MANSC4: variants seen among roughly 807,000 people sequenced by gnomAD.
MANSC4 encodes MANSC domain containing 4.
MANSC4 carries 11 observed loss-of-function variants against 11.4 expected under a neutral mutation model. The observed-to-expected ratio is 0.97, with a 90% CI of 0.61 to 1.60. The LOEUF (loss-of-function observed/expected upper bound fraction) is 1.60, where lower values mean the gene tolerates loss of function less well. Ranked by LOEUF, MANSC4 falls within the 40% of genes most tolerant of loss-of-function variation. The pLI is 0.00. For missense variants in MANSC4, 354 were observed against 404.6 expected (o/e 0.88, Z 1.07); for synonymous variants, 123 against 147.1 (o/e 0.84, Z 1.19).
intron 2 of MANSC4, among the ~76,000 whole-genome samples, chr12:27,770,797 G>T (rs1431148004): frequency 6.6e-6 from 1 of 152,336 alleles, no homozygotes; most frequent in South Asian, 2.1e-4. Context: ...GTGAAGAAAA[G>T]AGGATTCTGT....
At position 27,771,284 on chromosome 12, in the gene MANSC4, G is replaced by A; in HGVS notation, c.-8C>T. On this transcript the variant is annotated 5_prime_UTR_variant, in exon 2 of 4. Transcript: ENST00000381273. ...TACCTCTGCCACATGCATTTTTCCTGTATGAAGGAAGACTCGAAGATAAGT... is the reference window on the plus strand; with the variant it reads ...TACCTCTGCCACATGCATTTTTCCTATATGAAGGAAGACTCGAAGATAAGT... 1 of 1,547,704 alleles carries A rather than the reference G, an allele frequency of 6.5e-7. No homozygotes were observed. Among genetic ancestry groups the A allele is most frequent in the Non-Finnish European group, 8.7e-7 (1 of 1,145,320 alleles).
At chr12:27,766,521 A>G (rs2062072856) in intron 3 of MANSC4, 144 bp downstream of exon 3, 4 of 831,870 alleles carry the variant, frequency 4.8e-6, no homozygotes, top group Non-Finnish European at 7.3e-6. Context: ...TCTGTCCTAG[A>G]TATCCAAAAT....
At chr12:27,772,468 A>G (rs1420072032) in intron 1 of MANSC4, among the ~76,000 whole-genome samples, 1 of 152,240 alleles carries the variant, frequency 6.6e-6, no homozygotes, top group Non-Finnish European at 1.5e-5. Context: ...AATAATAGTC[A>G]ATCTAGTTAT....
intron 3 of MANSC4, 145 bp downstream of exon 3, chr12:27,766,520 G>A: frequency 1.2e-6 from 1 of 828,518 alleles, no homozygotes; most frequent in Non-Finnish European, 1.8e-6. Flanking sequence ...TTCTGTCCTA[G>A]ATATCCAAAA....
chr12:27,769,059 G>A (rs562626117), intron 2 of MANSC4, among the ~76,000 whole-genome samples: 11 of 152,222 alleles, frequency 7.2e-5, no homozygotes, highest in African/African-American at 2.7e-4. Flanking sequence ...ACTGTGAGGA[G>A]TTAATCTCCA....
intron 2 of MANSC4, among the ~76,000 whole-genome samples, chr12:27,768,863 C>G (rs769994154): frequency 6.6e-6 from 1 of 152,130 alleles, no homozygotes; most frequent in Non-Finnish European, 1.5e-5. Context: ...CTCCTAACCT[C>G]GAGTGATCTG....
chr12:27,766,000 A>G (rs2062070654), intron 3 of MANSC4, among the ~76,000 whole-genome samples: 1 of 151,800 alleles, frequency 6.6e-6, no homozygotes, highest in Non-Finnish European at 1.5e-5. Flanking sequence ...TCCTGTGTGC[A>G]GTGTCCATGG....
chr12:27,778,092 G>C (rs1239761948), intron 1 of MANSC4, among the ~76,000 whole-genome samples: 3 of 151,986 alleles, frequency 2.0e-5, no homozygotes, highest in Non-Finnish European at 4.4e-5. Flanking sequence ...GGGTGTGGTG[G>C]CTCATGCCTG....
At chr12:27,768,235 T>TAAA (rs71039844) in intron 2 of MANSC4, among the ~76,000 whole-genome samples, 13 of 147,500 alleles carry the variant, frequency 8.8e-5, no homozygotes, top group South Asian at 2.2e-4. Flanking sequence ...TCGTCTCTAC[T>TAAA]AAAAAAAAAA....
chr12:27,768,475 A>G (rs2062084469), intron 2 of MANSC4, among the ~76,000 whole-genome samples: 1 of 152,080 alleles, frequency 6.6e-6, no homozygotes, highest in South Asian at 2.1e-4. Flanking sequence ...GAGGAAGAGA[A>G]GACTTAAAAA....
chr12:27,767,572 G>A (rs745984673), intron 2 of MANSC4, among the ~76,000 whole-genome samples: 2 of 151,948 alleles, frequency 1.3e-5, no homozygotes, highest in Non-Finnish European at 2.9e-5. Context: ...GCGTGGTGGC[G>A]CATTCCTGTA....
intron 1 of MANSC4, among the ~76,000 whole-genome samples, chr12:27,772,060 CAAA>C (rs755729525): frequency 4.7e-5 from 5 of 107,144 alleles, no homozygotes; most frequent in African/African-American, 8.0e-5. Flanking sequence ...TCAAACCAAA[CAAA>C]CAAACAAACA....
intron 3 of MANSC4, among the ~76,000 whole-genome samples, chr12:27,764,043 TTTAAATCAAG>T (rs1356981542): frequency 6.6e-6 from 1 of 152,172 alleles, no homozygotes; most frequent in African/African-American, 2.4e-5. Flanking sequence ...ATATAGCATC[TTTAAATCAAG>T]TTAAGCAAAA....
Position 27,762,875 on chromosome 12 carries a change from T to C in MANSC4, c.886A>G (p.Ile296Val), listed in dbSNP as rs1221927650. ...ATGACTATACAACAGCCGAGAAAGA[T>C]GACAGAGGTGCAAAGGGCCACAGAA... Reference protein sequence around the residue: ...LVSVALCTSVIFLGCCIVILA... With the variant: ...LVSVALCTSVVFLGCCIVILA... Residue 296 changes from isoleucine to valine, a missense_variant, in exon 4 of 4, where the codon ATC (isoleucine) becomes GTC (valine). Ile to Val is a conservative substitution (Grantham distance 29, BLOSUM62 3). Transcript: ENST00000381273. 7 of 1,552,052 alleles carry C rather than the reference T, an allele frequency of 4.5e-6. No homozygotes were observed. In the East Asian group the frequency reaches 7.3e-5, roughly 16 times the overall value.
At chr12:27,768,930 T>A (rs1362390949) in intron 2 of MANSC4, among the ~76,000 whole-genome samples, 2 of 152,122 alleles carry the variant, frequency 1.3e-5, no homozygotes, top group African/African-American at 4.8e-5. Flanking sequence ...CTCCAAGGTA[T>A]CAACTTCTTT....
At chr12:27,771,017 A>AT (rs2062097953) in intron 2 of MANSC4, 31 bp downstream of exon 2, 1 of 1,502,976 alleles carries the variant, frequency 6.7e-7, no homozygotes, top group Non-Finnish European at 9.0e-7. Flanking sequence ...GTTTCTTCTT[A>AT]TTTTTGCCCA....
chr12:27,773,721 T>C (rs570457599), intron 1 of MANSC4, among the ~76,000 whole-genome samples: 1 of 152,314 alleles, frequency 6.6e-6, no homozygotes, highest in South Asian at 2.1e-4. Context: ...GCGAAATAAA[T>C]GGAACTTTTA....
At chr12:27,766,366 G>A (rs993204127) in intron 3 of MANSC4, among the ~76,000 whole-genome samples, 4 of 152,000 alleles carry the variant, frequency 2.6e-5, no homozygotes, top group South Asian at 2.1e-4. Flanking sequence ...GCGCCTGGCC[G>A]AGAAATGCTT....
At chr12:27,767,613 G>T (rs2062078553) in intron 2 of MANSC4, among the ~76,000 whole-genome samples, 1 of 152,102 alleles carries the variant, frequency 6.6e-6, no homozygotes, top group Non-Finnish European at 1.5e-5. Context: ...TGAGGCAGGA[G>T]AATCGCTTAA....
Sources: gnomAD v4.1 joint callset for allele counts (sites outside exome capture counted in the v4.1 genomes callset) on GRCh38, gnomAD v4.1.1 for gene constraint, MANE v1.5 for transcripts, NCBI Gene and HGNC (gene_info 2026-07-23, HGNC 2026-07-21) for gene names.